The following SORT1 variants were observed in gnomAD, a reference collection of about 807,000 sequenced individuals.
SORT1 encodes the protein sortilin 1, also known as sortilin.
SORT1 carries 39 observed loss-of-function variants against 101.7 expected under a neutral mutation model. The ratio of observed to expected loss-of-function variants is 0.38; its 90% confidence interval spans 0.30 to 0.50. The LOEUF is 0.50. Ranked by LOEUF, SORT1 falls within the 20% of genes least tolerant of loss-of-function variation. SORT1 has a pLI of 0.90. For synonymous variants in SORT1, 396 were observed against 393.7 expected, an observed-to-expected ratio of 1.01 and a Z score of -0.07; for missense variants, 878 against 1,040.4, an observed-to-expected ratio of 0.84 and a Z score of 2.15.
chr1:109,320,609 T>C (rs766249360), intron 15 of SORT1, among the ~76,000 whole-genome samples: 2 of 152,230 alleles, frequency 1.3e-5, no homozygotes, highest in Non-Finnish European at 2.9e-5. Context: ...TCAGCTCTCA[T>C]ACCACCTCCT....
At position 109,313,934 on chromosome 1, in the gene SORT1, G is replaced by A. The variant is rs867983728; in HGVS notation, c.*109C>T. On this transcript the variant is annotated 3_prime_UTR_variant, in exon 20 of 20. Coordinates refer to ENST00000256637, the MANE Select transcript of SORT1 (RefSeq NM_002959.7). Reference sequence around the variant, plus strand: ...GGCTTTGATGGAAGCAGCAGAAACAGAGCTGGGTCCCTCGCAATGGGAAAT... The same window carrying A: ...GGCTTTGATGGAAGCAGCAGAAACAAAGCTGGGTCCCTCGCAATGGGAAAT... 2 of 916,322 alleles carry A rather than the reference G, an allele frequency of 2.2e-6. No individual in the cohort carries two copies. Among genetic ancestry groups the A allele is most frequent in the East Asian group, 3.2e-5 (1 of 31,268 alleles). 56.8% of individuals were successfully genotyped at this position (916,322 alleles called of 1,614,324 possible).
At chr1:109,320,603 C>T (rs1005152889) in intron 15 of SORT1, among the ~76,000 whole-genome samples, 2 of 152,228 alleles carry the variant, frequency 1.3e-5, no homozygotes, top group Non-Finnish European at 2.9e-5. Context: ...CAACGCTCAG[C>T]TCTCATACCA....
chr1:109,378,343 A>G (rs997821351), intron 1 of SORT1, among the ~76,000 whole-genome samples: 3 of 151,984 alleles, frequency 2.0e-5, no homozygotes, highest in Non-Finnish European at 4.4e-5. Flanking sequence ...ATTTAAGAAG[A>G]CACTTTAGAA....
chr1:109,320,793 T>C (rs1463010382), intron 15 of SORT1, among the ~76,000 whole-genome samples: 2 of 152,252 alleles, frequency 1.3e-5, no homozygotes, highest in African/African-American at 4.8e-5. Context: ...ATATGGATGC[T>C]GCTTGTATTT....
intron 1 of SORT1, among the ~76,000 whole-genome samples, chr1:109,376,245 G>A (rs1651836760): frequency 6.6e-6 from 1 of 151,220 alleles, no homozygotes; most frequent in Non-Finnish European, 1.5e-5. Flanking sequence ...GCAGGAGAAT[G>A]GCGTGAACCC....
intron 5 of SORT1, among the ~76,000 whole-genome samples, chr1:109,352,248 A>C (rs1442580706): frequency 6.6e-6 from 1 of 152,132 alleles, no homozygotes; most frequent in Admixed American, 6.6e-5. Flanking sequence ...GGCTAGAGAT[A>C]AGGATTTGAA....
chr1:109,366,184 T>G (rs1651076263), intron 3 of SORT1, among the ~76,000 whole-genome samples: 1 of 152,158 alleles, frequency 6.6e-6, no homozygotes, highest in Non-Finnish European at 1.5e-5. Context: ...TTTAACCAAG[T>G]CATACCTTTG....
intron 1 of SORT1, among the ~76,000 whole-genome samples, chr1:109,395,419 C>G (rs1350502481): frequency 2.6e-5 from 4 of 151,800 alleles, no homozygotes; most frequent in African/African-American, 9.7e-5. Flanking sequence ...CAGGGTTTCA[C>G]CATGTTGGCC....
At chr1:109,352,284 A>G (rs1650020124) in intron 5 of SORT1, among the ~76,000 whole-genome samples, 1 of 152,112 alleles carries the variant, frequency 6.6e-6, no homozygotes, top group African/African-American at 2.4e-5. Context: ...AGGTGGTGGT[A>G]GCTAAATGGT....
intron 1 of SORT1, among the ~76,000 whole-genome samples, chr1:109,376,806 G>C (rs1176904809): frequency 6.6e-6 from 1 of 152,098 alleles, no homozygotes; most frequent in Non-Finnish European, 1.5e-5. Flanking sequence ...CTGAGTGATG[G>C]GATCATTTGT....
In SORT1 at chr1:109,397,900, G is replaced by C. The variant is rs576779289; in HGVS notation, c.-8C>G. 96 of 1,152,284 alleles carry C rather than the reference G, an allele frequency of 8.3e-5. No homozygotes were observed. The African/African-American group carries it at 1.4e-3, about 17-fold the overall frequency. 71.4% of individuals were successfully genotyped at this position (1,152,284 alleles called of 1,614,324 possible). ...TCCCCAGGGCCGCTCCATCGCCGCCGAATGCCGCCGACGCCGACACCTGCC... is the reference window on the plus strand; with the variant it reads ...TCCCCAGGGCCGCTCCATCGCCGCCCAATGCCGCCGACGCCGACACCTGCC... On this transcript the variant is annotated 5_prime_UTR_variant, in exon 1 of 20. Transcript: ENST00000256637.
intron 1 of SORT1, among the ~76,000 whole-genome samples, chr1:109,387,278 G>C (rs1280127612): frequency 6.6e-6 from 1 of 152,000 alleles, no homozygotes; most frequent in African/African-American, 2.4e-5. Flanking sequence ...CAGGACAACA[G>C]TGAGACTCAG....
At chr1:109,346,765 G>T (rs894428409) in intron 7 of SORT1, among the ~76,000 whole-genome samples, 1 of 142,412 alleles carries the variant, frequency 7.0e-6, no homozygotes, top group Non-Finnish European at 1.5e-5. Context: ...AAAAAAAAAA[G>T]CCACAGCATG....
intron 1 of SORT1, among the ~76,000 whole-genome samples, chr1:109,387,697 G>A (rs988777903): frequency 3.9e-5 from 6 of 152,178 alleles, no homozygotes; most frequent in African/African-American, 1.4e-4. Context: ...GCTCACGCCT[G>A]CAATCCCAAC....
chr1:109,368,064 C>A (rs190966858), intron 2 of SORT1, among the ~76,000 whole-genome samples: 216 of 152,050 alleles, frequency 1.4e-3, no homozygotes, highest in African/African-American at 5.1e-3. Context: ...GAGGCTGAGG[C>A]GGACGGATCA....
At chr1:109,360,699 T>C (rs1650664414) in intron 3 of SORT1, among the ~76,000 whole-genome samples, 1 of 152,206 alleles carries the variant, frequency 6.6e-6, no homozygotes, top group East Asian at 1.9e-4. Flanking sequence ...GGTCCAATAT[T>C]GGGGAGGGGG....
chr1:109,318,754 G>A (rs1485410212), intron 15 of SORT1, among the ~76,000 whole-genome samples: 2 of 151,750 alleles, frequency 1.3e-5, no homozygotes, highest in African/African-American at 2.4e-5. Flanking sequence ...CTGGGCTCAA[G>A]TGATCTTTCC....
chr1:109,342,903 T>C (rs1363815917), intron 8 of SORT1, among the ~76,000 whole-genome samples: 2 of 151,972 alleles, frequency 1.3e-5, no homozygotes, highest in African/African-American at 2.4e-5. Context: ...TTTCCTTAGA[T>C]TAAATACTCT....
intron 1 of SORT1, among the ~76,000 whole-genome samples, chr1:109,380,989 G>T (rs920232288): frequency 4.4e-4 from 67 of 152,166 alleles, no homozygotes; most frequent in African/African-American, 1.6e-3. Context: ...GACTGGCAAA[G>T]ATTAAAAGAC....
Sources: allele counts gnomAD v4.1 joint callset (sites outside exome capture counted in the v4.1 genomes callset), GRCh38; gene constraint gnomAD v4.1.1; transcripts MANE v1.5; gene names NCBI Gene and HGNC (gene_info 2026-07-23, HGNC 2026-07-21).